The following HECW2 variants were observed in gnomAD, a reference collection of about 807,000 sequenced individuals.
The protein encoded by HECW2 is HECT, C2 and WW domain containing E3 ubiquitin protein ligase 2.
In HECW2, 61 loss-of-function variants were observed where a neutral mutation model predicts 175.2. The ratio of observed to expected loss-of-function variants is 0.35; its 90% CI spans 0.28 to 0.43. The LOEUF (loss-of-function observed/expected upper bound fraction) is 0.43, where lower values mean the gene tolerates loss of function less well. Among genes scored for constraint, HECW2 ranks in the 20% least tolerant of loss-of-function variants. The pLI, the probability that HECW2 is intolerant of heterozygous loss-of-function variation, is 1.00. For missense variants in HECW2, 1,524 were observed against 2,000.5 expected, an observed-to-expected ratio of 0.76 and a Z score of 4.54; for synonymous variants, 671 against 731.0, an observed-to-expected ratio of 0.92 and a Z score of 1.32.
chr2:196,272,916 A>G (rs1309734350), intron 16 of HECW2, among the ~76,000 whole-genome samples: 1 of 152,124 alleles, frequency 6.6e-6, no homozygotes, highest in Non-Finnish European at 1.5e-5. Flanking sequence ...AGACTGTTAG[A>G]CTTCAACCCT....
chr2:196,431,916 A>G (rs546167194), intron 2 of HECW2, among the ~76,000 whole-genome samples: 196 of 152,374 alleles, frequency 1.3e-3, no homozygotes, highest in Non-Finnish European at 2.3e-3. Context: ...TTCAGTCAAT[A>G]TAAAATTCTT....
chr2:196,270,629 C>T (rs1223247416), intron 17 of HECW2, among the ~76,000 whole-genome samples: 1 of 152,012 alleles, frequency 6.6e-6, no homozygotes, highest in Non-Finnish European at 1.5e-5. Flanking sequence ...AGGATAAACG[C>T]TTGGCTTAAA....
At chr2:196,340,384 G>A (rs1692703426) in intron 3 of HECW2, among the ~76,000 whole-genome samples, 1 of 151,942 alleles carries the variant, frequency 6.6e-6, no homozygotes, top group African/African-American at 2.4e-5. Context: ...ATCACTGGAG[G>A]TCAGGAGTTT....
intron 17 of HECW2, among the ~76,000 whole-genome samples, chr2:196,261,873 G>T (rs1410332414): frequency 6.6e-6 from 1 of 152,066 alleles, no homozygotes; most frequent in African/African-American, 2.4e-5. Flanking sequence ...CTTTTAGAGT[G>T]GAAAAATAAC....
At chr2:196,248,489 A>G (rs111308187) in intron 19 of HECW2, among the ~76,000 whole-genome samples, 1 of 151,978 alleles carries the variant, frequency 6.6e-6, no homozygotes, top group African/African-American at 2.4e-5. Flanking sequence ...GGCTGAGTCA[A>G]GGGAAGGGAT....
At chr2:196,338,120 G>T (rs1692619461) in intron 3 of HECW2, among the ~76,000 whole-genome samples, 2 of 152,194 alleles carry the variant, frequency 1.3e-5, no homozygotes, top group Non-Finnish European at 2.9e-5. Context: ...TCATTTGTGA[G>T]ACGTCACTTT....
intron 21 of HECW2, among the ~76,000 whole-genome samples, chr2:196,235,866 G>A (rs1176256296): frequency 1.3e-5 from 2 of 151,872 alleles, no homozygotes; most frequent in African/African-American, 4.8e-5. Flanking sequence ...CACCGTGCTA[G>A]CCAGGATGGT....
chr2:196,556,533 T>C (rs1162415766), intron 1 of HECW2, among the ~76,000 whole-genome samples: 1 of 152,206 alleles, frequency 6.6e-6, no homozygotes, highest in African/African-American at 2.4e-5. Context: ...TATGCAGTAT[T>C]TATCTTTCTG....
chr2:196,491,529 T>C (rs910816566), intron 1 of HECW2, among the ~76,000 whole-genome samples: 8 of 149,070 alleles, frequency 5.4e-5, no homozygotes, highest in African/African-American at 1.2e-4. Context: ...CACACACATA[T>C]ACACACATAT....
chr2:196,443,236 A>G (rs936225081), intron 1 of HECW2, among the ~76,000 whole-genome samples: 6 of 152,166 alleles, frequency 3.9e-5, no homozygotes, highest in African/African-American at 1.4e-4. Context: ...ATTAGTGAAA[A>G]CGAAGGTTTG....
chr2:196,204,918 T>A (rs1687013229), intron 28 of HECW2, among the ~76,000 whole-genome samples: 1 of 152,208 alleles, frequency 6.6e-6, no homozygotes. Context: ...TTCTGTAGTA[T>A]CTTTGCAGGT....
intron 17 of HECW2, among the ~76,000 whole-genome samples, chr2:196,266,373 TA>T (rs1689519987): frequency 6.6e-6 from 1 of 151,888 alleles, no homozygotes; most frequent in Admixed American, 6.6e-5. Context: ...AAGGTGTCTT[TA>T]AAAATTCAAT....
chr2:196,202,853 A>G (rs1686914643), intron 28 of HECW2, among the ~76,000 whole-genome samples: 1 of 152,206 alleles, frequency 6.6e-6, no homozygotes, highest in South Asian at 2.1e-4. Flanking sequence ...TGGAATTTGG[A>G]ATATTTGCAT....
At chr2:196,242,480 C>T (rs190626711) in intron 19 of HECW2, 8 of 415,048 alleles carry the variant, frequency 1.9e-5, no homozygotes, top group Admixed American at 1.2e-4. Context: ...CCTTTTCAGT[C>T]GAAACTAATA....
Position 196,225,865 on chromosome 2 carries a change from C to A in HECW2, c.3923G>T (p.Arg1308Leu). 1 of 1,605,234 alleles carries A rather than the reference C, an allele frequency of 6.2e-7. No individual in the cohort carries two copies. Among genetic ancestry groups the A allele is most frequent in the South Asian group, 1.1e-5 (1 of 90,826 alleles). ...AAGACCAAGGATCCTACCACTGAATCGGAACCTGTGAAGGAAACACATGAG... is the reference window on the plus strand; with the variant it reads ...AAGACCAAGGATCCTACCACTGAATAGGAACCTGTGAAGGAAACACATGAG... ...AFVDNHHEWF[R>L]FSGRILGLAL... Residue 1308 changes from arginine to leucine, a missense_variant, in exon 23 of 29, where the codon CGA (arginine) becomes CTA (leucine). Around this residue, in one of 11 missense-constraint regions of HECW2, gnomAD observed 16 missense variants for 23.9 expected, o/e 0.67. Coordinates refer to ENST00000644978, the MANE Select transcript of HECW2 (RefSeq NM_001348768.2).
intron 1 of HECW2, among the ~76,000 whole-genome samples, chr2:196,469,591 T>TTATG (rs1338552445): frequency 3.4e-4 from 51 of 152,176 alleles, no homozygotes; most frequent in African/African-American, 6.7e-4. Context: ...TAAGTATGTT[T>TTATG]TATGATCTTG....
intron 17 of HECW2, among the ~76,000 whole-genome samples, chr2:196,267,135 G>T (rs1330928122): frequency 6.6e-6 from 1 of 152,194 alleles, no homozygotes; most frequent in Non-Finnish European, 1.5e-5. Context: ...TGCCTGGGGA[G>T]AGCTGGACTA....
At chr2:196,257,202 C>G (rs1316373979) in intron 18 of HECW2, among the ~76,000 whole-genome samples, 1 of 151,044 alleles carries the variant, frequency 6.6e-6, no homozygotes, top group Admixed American at 6.7e-5. Context: ...ATGAGAAAGT[C>G]TTTTGAAAAC....
At chr2:196,259,222 C>T (rs1689185459) in intron 17 of HECW2, among the ~76,000 whole-genome samples, 1 of 152,218 alleles carries the variant, frequency 6.6e-6, no homozygotes, top group Non-Finnish European at 1.5e-5. Flanking sequence ...GAGCTGCCTG[C>T]CTTGGCCTCT....
Sources: gnomAD v4.1 joint callset for allele counts (sites outside exome capture counted in the v4.1 genomes callset) on GRCh38, gnomAD v4.1.1 for gene constraint, gnomAD v4.1.1 regional missense constraint, MANE v1.5 for transcripts, NCBI Gene and HGNC (gene_info 2026-07-23, HGNC 2026-07-21) for gene names.